Variants in TANC2 observed in about 807,000 individuals in gnomAD.
The protein encoded by TANC2 is tetratricopeptide repeat, ankyrin repeat and coiled-coil containing 2.
In TANC2, 26 loss-of-function variants were observed where a neutral mutation model predicts 210.5. That is an observed-to-expected ratio of 0.12 (90% CI 0.09 to 0.17). TANC2 has a LOEUF of 0.17. TANC2 is among the 10% of genes least tolerant of loss of function. The probability of loss-of-function intolerance (pLI) is 1.00; values close to 1 mark genes in which losing one functional copy is unlikely to be tolerated. For missense variants in TANC2, 2,129 were observed against 2,608.9 expected, an observed-to-expected ratio of 0.82 and a Z score of 4.01; for synonymous variants, 931 against 967.1, an observed-to-expected ratio of 0.96 and a Z score of 0.69.
At chr17:62,978,233 A>G (rs920025551) in intron 1 of TANC2, among the ~76,000 whole-genome samples, 3 of 152,228 alleles carry the variant, frequency 2.0e-5, no homozygotes, top group African/African-American at 7.2e-5. Context: ...CACTATGATC[A>G]AGTAGAGTTT....
At chr17:63,083,439 A>C (rs1196804901) in intron 3 of TANC2, among the ~76,000 whole-genome samples, 1 of 152,142 alleles carries the variant, frequency 6.6e-6, no homozygotes, top group East Asian at 1.9e-4. Context: ...AAAGGGGGAA[A>C]GGGAAAAAAA....
chr17:63,257,039 T>C (rs1399770361), intron 8 of TANC2, among the ~76,000 whole-genome samples: 1 of 151,678 alleles, frequency 6.6e-6, no homozygotes, highest in African/African-American at 2.4e-5. Context: ...CCACAGATAA[T>C]TGGGTCTTGT....
intron 7 of TANC2, among the ~76,000 whole-genome samples, chr17:63,201,232 C>T (rs1299795412): frequency 6.6e-6 from 1 of 151,962 alleles, no homozygotes; most frequent in Admixed American, 6.6e-5. Context: ...TGTAAATGCA[C>T]GTACATCAAC....
chr17:62,998,439 C>G (rs527403343), intron 1 of TANC2, among the ~76,000 whole-genome samples: 2 of 152,182 alleles, frequency 1.3e-5, no homozygotes, highest in Non-Finnish European at 2.9e-5. Flanking sequence ...TGAATATCCC[C>G]AAGACACATA....
chr17:63,030,202 A>T (rs565896452), intron 2 of TANC2, among the ~76,000 whole-genome samples: 5 of 152,276 alleles, frequency 3.3e-5, no homozygotes, highest in Admixed American at 3.3e-4. Context: ...ATTTGATTAG[A>T]TCCCGTAGAG....
At chr17:63,031,314 T>C (rs1472240008) in intron 2 of TANC2, among the ~76,000 whole-genome samples, 1 of 152,176 alleles carries the variant, frequency 6.6e-6, no homozygotes. Context: ...TTGTCTACTT[T>C]TTTGTTGTCA....
chr17:63,354,789 A>G, exon 14 of TANC2: 3 of 1,561,132 alleles, frequency 1.9e-6, no homozygotes, highest in Non-Finnish European at 2.6e-6. Flanking sequence ...TTAGGAAATT[A>G]CCAAGCTGCT....
rs76121095 is a variant in TANC2, at chr17:63,074,029, G to A, written c.139+15G>A. 45,358 of 1,551,500 alleles carry A rather than the reference G, an allele frequency of 0.029. 761 individuals are homozygous for A. The highest frequency in any genetic ancestry group is 0.051 in the Middle Eastern group (305 of 5,964). The stretch of plus-strand genomic sequence containing the variant: ...CTCTGGGCAAGGTAAATTTTCATCA[G>A]ATTGATTATTAAATTTCAAAAAATA... On this transcript the variant is annotated intron_variant, in intron 3 of 27. Coordinates refer to ENST00000689528, the Ensembl canonical transcript of TANC2.
chr17:63,377,681 G>A (rs2047468737), intron 14 of TANC2, among the ~76,000 whole-genome samples: 1 of 152,140 alleles, frequency 6.6e-6, no homozygotes, highest in Non-Finnish European at 1.5e-5. Context: ...ACCTCTGCCT[G>A]TTACCCAGTT....
At chr17:63,356,483 C>T (rs1419091826) in intron 14 of TANC2, among the ~76,000 whole-genome samples, 1 of 152,102 alleles carries the variant, frequency 6.6e-6, no homozygotes, top group African/African-American at 2.4e-5. Context: ...GTTTTATTGC[C>T]CTTCACCGTG....
intron 8 of TANC2, among the ~76,000 whole-genome samples, chr17:63,259,889 G>A (rs1293596545): frequency 6.6e-6 from 1 of 152,026 alleles, no homozygotes; most frequent in Non-Finnish European, 1.5e-5. Context: ...ATTTTCTTAT[G>A]AAAAATAGTG....
chr17:63,249,194 C>T (rs1034845567), intron 8 of TANC2, among the ~76,000 whole-genome samples: 4 of 152,074 alleles, frequency 2.6e-5, no homozygotes, highest in Admixed American at 6.6e-5. Flanking sequence ...TATTAAGGCT[C>T]GGAATTTTCT....
chr17:63,377,251 C>T (rs953203050), intron 14 of TANC2, among the ~76,000 whole-genome samples: 1 of 152,222 alleles, frequency 6.6e-6, no homozygotes, highest in Non-Finnish European at 1.5e-5. Context: ...CATTTGACTC[C>T]TCATTGAGTA....
intron 2 of TANC2, among the ~76,000 whole-genome samples, chr17:63,022,872 T>C (rs1410181618): frequency 6.6e-6 from 1 of 152,320 alleles, no homozygotes; most frequent in South Asian, 2.1e-4. Context: ...ATGCCATAGA[T>C]TGTGGCAGCA....
intron 19 of TANC2, among the ~76,000 whole-genome samples, chr17:63,404,216 G>A (rs960121493): frequency 7.2e-5 from 11 of 152,050 alleles, no homozygotes; most frequent in African/African-American, 2.7e-4. Flanking sequence ...TAAAACAATA[G>A]ACTTGTGCAC....
chr17:62,967,515 T>G (rs541509555), intron 1 of TANC2: 1 of 152,304 alleles, frequency 6.6e-6, no homozygotes, highest in East Asian at 1.9e-4. Flanking sequence ...GGAAGAAGAT[T>G]TGGTGTTTCG....
chr17:63,108,815 AT>A (rs1349188661), intron 4 of TANC2, among the ~76,000 whole-genome samples: 3 of 151,318 alleles, frequency 2.0e-5, no homozygotes, highest in Admixed American at 1.3e-4. Context: ...CTCAAAAAAA[AT>A]ATAAATAAAT....
At chr17:63,336,577 A>G in intron 11 of TANC2, among the ~76,000 whole-genome samples, 1 of 152,206 alleles carries the variant, frequency 6.6e-6, no homozygotes, top group East Asian at 1.9e-4. Context: ...TTCTTTCTGT[A>G]TATAGCCCAC....
chr17:63,017,052 A>G (rs1393398081), intron 2 of TANC2, among the ~76,000 whole-genome samples: 1 of 152,156 alleles, frequency 6.6e-6, no homozygotes, highest in Non-Finnish European at 1.5e-5. Context: ...TCTAAGAGTT[A>G]TGGTTTTAAC....
Sources: gnomAD v4.1 joint callset for allele counts (sites outside exome capture counted in the v4.1 genomes callset) on GRCh38, gnomAD v4.1.1 for gene constraint, MANE v1.5 for transcripts, NCBI Gene and HGNC (gene_info 2026-07-23, HGNC 2026-07-21) for gene names.